The following MMS19 variants were observed in gnomAD, a reference collection of about 807,000 sequenced individuals.
MMS19 encodes MMS19 nucleotide excision repair protein homolog.
In MMS19, 77 loss-of-function variants were observed where a neutral mutation model predicts 129.8. The ratio of observed to expected loss-of-function variants is 0.59; its 90% CI spans 0.49 to 0.72. The LOEUF (loss-of-function observed/expected upper bound fraction) is 0.72. Ranked by LOEUF, MMS19 falls within the 30% of genes least tolerant of loss-of-function variation. The pLI is 0.00. For missense variants in MMS19, 1,168 were observed against 1,266.3 expected, an observed-to-expected ratio of 0.92 and a Z score of 1.18; for synonymous variants, 491 against 502.8, an observed-to-expected ratio of 0.98 and a Z score of 0.31.
intron 3 of MMS19, chr10:97,480,172 C>T (rs2036504019): frequency 9.9e-6 from 4 of 405,066 alleles, no homozygotes; most frequent in East Asian, 1.4e-4. Flanking sequence ...AATGACATGC[C>T]TAGTCAAACC....
At chr10:97,472,771 G>C (rs2035000275) in intron 8 of MMS19, among the ~76,000 whole-genome samples, 1 of 151,896 alleles carries the variant, frequency 6.6e-6, no homozygotes, top group Non-Finnish European at 1.5e-5. Flanking sequence ...ACCACGCCCA[G>C]TTAATTTTTG....
In MMS19 at chr10:97,461,874, C is replaced by T. The variant is rs370000754; in HGVS notation, c.2138G>A (p.Arg713Gln). Residue 713 changes from arginine (R) to glutamine (Q), a missense_variant, in exon 22 of 31, where the codon CGG becomes CAG. Coordinates refer to ENST00000438925, the MANE Select transcript of MMS19 (RefSeq NM_022362.5). The part of the protein sequence containing the change: ...PFQDGSSGQR[R>Q]LIALLMAFVC... ...AAAGGCCATAAGCAGTGCAATCAGC[C>T]GCCTCTGCCCTGAGGAGCCATCCTA... 103 of 1,607,338 alleles carry T rather than the reference C, an allele frequency of 6.4e-5. No homozygotes were observed. The highest frequency in any genetic ancestry group is 8.0e-5 in the African/African-American group (6 of 74,784).
At chr10:97,476,359 C>A (rs1384008429) in intron 8 of MMS19, among the ~76,000 whole-genome samples, 1 of 152,206 alleles carries the variant, frequency 6.6e-6, no homozygotes, top group Admixed American at 6.5e-5. Flanking sequence ...CTCTGAACAG[C>A]TATAGTACTA....
intron 13 of MMS19, 90 bp from the exon 14 acceptor site, chr10:97,467,673 T>C: frequency 8.1e-7 from 1 of 1,233,806 alleles, no homozygotes; most frequent in Non-Finnish European, 1.2e-6. Context: ...TCTTTCTTTC[T>C]TCCAAGAGAT....
At chr10:97,483,401 G>A (rs2037248044) in intron 2 of MMS19, among the ~76,000 whole-genome samples, 1 of 152,120 alleles carries the variant, frequency 6.6e-6, no homozygotes, top group South Asian at 2.1e-4. Flanking sequence ...CACAATGTGA[G>A]CAGAAAGGTC....
At chr10:97,467,313 G>A (rs1423827628) in intron 14 of MMS19, among the ~76,000 whole-genome samples, 192 bp downstream of exon 14, 3 of 152,114 alleles carry the variant, frequency 2.0e-5, no homozygotes, top group Non-Finnish European at 4.4e-5. Flanking sequence ...AATCCATTGG[G>A]TATCCAGAAA....
chr10:97,469,993 G>A (rs2034350306), intron 10 of MMS19, 136 bp downstream of exon 10: 6 of 697,096 alleles, frequency 8.6e-6, no homozygotes, highest in Non-Finnish European at 1.5e-5. Flanking sequence ...GCTTCAGGTC[G>A]ACACAAAGGC....
intron 14 of MMS19, 71 bp downstream of exon 14, chr10:97,467,432 CTT>C: frequency 8.4e-7 from 1 of 1,193,350 alleles, no homozygotes; most frequent in East Asian, 2.3e-5. Context: ...CCACAGCACT[CTT>C]TGCCCTGCTA....
intron 9 of MMS19, among the ~76,000 whole-genome samples, 152 bp downstream of exon 9, chr10:97,470,623 C>T (rs1300389058): frequency 6.6e-6 from 1 of 152,080 alleles, no homozygotes; most frequent in Admixed American, 6.5e-5. Context: ...TTTTCTACAT[C>T]GAAGGTCTGA....
At chr10:97,466,935 G>GC in intron 14 of MMS19, 34 bp from the exon 15 acceptor site, 6 of 1,612,370 alleles carry the variant, frequency 3.7e-6, no homozygotes, top group Non-Finnish European at 5.1e-6. Context: ...TTAGAAGGAA[G>GC]CCACTGCATT....
At chr10:97,459,879 T>C (rs561579116) in intron 26 of MMS19, 138 bp from the exon 27 acceptor site, 83 of 973,634 alleles carry the variant, frequency 8.5e-5, no homozygotes, top group Non-Finnish European at 1.1e-4. Flanking sequence ...ATAAGCAAGA[T>C]ACGCCCATGA....
intron 8 of MMS19, among the ~76,000 whole-genome samples, chr10:97,471,365 C>T (rs969858490): frequency 6.6e-6 from 1 of 151,762 alleles, no homozygotes; most frequent in Non-Finnish European, 1.5e-5. Flanking sequence ...CCATTTTTTT[C>T]ACCCTTATAA....
chr10:97,493,517 T>C (rs1000829373), intron 1 of MMS19, among the ~76,000 whole-genome samples: 1 of 152,124 alleles, frequency 6.6e-6, no homozygotes, highest in African/African-American at 2.4e-5. Context: ...GAGGTCACAC[T>C]GCACTCCAGC....
chr10:97,471,491 A>G (rs2034684492), intron 8 of MMS19, among the ~76,000 whole-genome samples: 1 of 152,192 alleles, frequency 6.6e-6, no homozygotes, highest in African/African-American at 2.4e-5. Flanking sequence ...AAACATAGTA[A>G]AAGAAGGGAT....
chr10:97,486,539 G>A (rs1589764577), intron 1 of MMS19, among the ~76,000 whole-genome samples: 1 of 152,274 alleles, frequency 6.6e-6, no homozygotes, highest in East Asian at 1.9e-4. Context: ...GCTAAGTGAA[G>A]TAAGCCAGAA....
chr10:97,463,103 C>T, intron 19 of MMS19: 1 of 172,436 alleles, frequency 5.8e-6, no homozygotes, highest in Non-Finnish European at 1.2e-5. Context: ...CTGAGTACTT[C>T]CTATGTGGCA....
intron 8 of MMS19, among the ~76,000 whole-genome samples, chr10:97,471,437 A>C (rs1488528869): frequency 6.6e-6 from 1 of 152,122 alleles, no homozygotes. Flanking sequence ...ACAGACTGAA[A>C]ACATATATCA....
At chr10:97,487,981 C>T (rs976531578) in intron 1 of MMS19, among the ~76,000 whole-genome samples, 2 of 152,000 alleles carry the variant, frequency 1.3e-5, no homozygotes, top group Non-Finnish European at 2.9e-5. Context: ...CCCAGCTACT[C>T]GGGAGGCTGA....
chr10:97,475,250 A>G (rs1241677620), intron 8 of MMS19, among the ~76,000 whole-genome samples: 2 of 152,204 alleles, frequency 1.3e-5, no homozygotes, highest in Non-Finnish European at 2.9e-5. Flanking sequence ...GCATGTGCAC[A>G]CATTGATTTT....
Sources: allele counts gnomAD v4.1 joint callset (sites outside exome capture counted in the v4.1 genomes callset), GRCh38; gene constraint gnomAD v4.1.1; transcripts MANE v1.5; gene names NCBI Gene and HGNC (gene_info 2026-07-23, HGNC 2026-07-21).